Variants in ERBB4 observed in about 807,000 individuals in gnomAD.
ERBB4 encodes the protein receptor tyrosine-protein kinase erbB-4.
In ERBB4, 42 loss-of-function variants were observed where a neutral mutation model predicts 158.0. The ratio of observed to expected loss-of-function variants is 0.27; its 90% CI spans 0.21 to 0.34. The LOEUF (loss-of-function observed/expected upper bound fraction) is 0.34. Among genes scored for constraint, ERBB4 ranks in the 10% least tolerant of loss-of-function variants. The probability of loss-of-function intolerance (pLI) is 1.00; values close to 1 mark genes in which losing one functional copy is unlikely to be tolerated. For missense variants in ERBB4, 1,333 were observed against 1,624.1 expected (o/e 0.82, Z 3.08); for synonymous variants, 583 against 558.7 (o/e 1.04, Z -0.61).
intron 1 of ERBB4, among the ~76,000 whole-genome samples, chr2:212,154,374 A>G (rs1456734106): frequency 6.6e-6 from 1 of 152,158 alleles, no homozygotes; most frequent in Non-Finnish European, 1.5e-5. Flanking sequence ...TGGGGATTTT[A>G]TCTACAAATG....
chr2:212,191,023 G>A (rs1259035980), intron 1 of ERBB4, among the ~76,000 whole-genome samples: 1 of 150,826 alleles, frequency 6.6e-6, no homozygotes, highest in East Asian at 1.9e-4. Flanking sequence ...GATCAACACA[G>A]CCCTAAGGGC....
chr2:212,476,335 C>G (rs1689401258), intron 1 of ERBB4, among the ~76,000 whole-genome samples: 1 of 152,030 alleles, frequency 6.6e-6, no homozygotes, highest in African/African-American at 2.4e-5. Flanking sequence ...ACTAGTATAC[C>G]TAGCAGATAG....
At chr2:211,510,733 T>C (rs1170927826) in intron 20 of ERBB4, among the ~76,000 whole-genome samples, 2 of 152,074 alleles carry the variant, frequency 1.3e-5, no homozygotes, top group Non-Finnish European at 1.5e-5. Context: ...AGTATTATGA[T>C]ATTGCTTCAA....
Position 212,194,487 on chromosome 2 carries a change from T to C in ERBB4, c.83-69584A>G, listed in dbSNP as rs369574869. Among the ~76,000 whole-genome samples the C allele has an allele frequency of 7.9e-5, 12 of 152,200 alleles. 1 individual carries two copies. The East Asian group carries it at 2.1e-3, about 27-fold the overall frequency. ...GCAATACTATGTTACCTGTTACTAT[T>C]TCCCTTAGCTAACAATATACCACTT... On this transcript the variant is annotated intron_variant, in intron 1 of 27. Transcript: ENST00000342788.
At chr2:211,879,373 C>T (rs575516781) in intron 3 of ERBB4, among the ~76,000 whole-genome samples, 2 of 152,142 alleles carry the variant, frequency 1.3e-5, no homozygotes, top group Non-Finnish European at 2.9e-5. Context: ...ATAGGGAGTT[C>T]CCATTGAAAG....
At chr2:211,415,221 A>T (rs926160664) in intron 25 of ERBB4, among the ~76,000 whole-genome samples, 1 of 137,586 alleles carries the variant, frequency 7.3e-6, no homozygotes, top group Non-Finnish European at 1.5e-5. Context: ...GGTTCACGCC[A>T]TTCTCCTGCC....
intron 7 of ERBB4, among the ~76,000 whole-genome samples, chr2:211,714,340 G>T (rs1038369465): frequency 6.6e-5 from 10 of 152,144 alleles, no homozygotes; most frequent in Non-Finnish European, 4.4e-5. Flanking sequence ...CACAATACCT[G>T]CTAGGCCACT....
chr2:211,847,339 G>A (rs2077614585), intron 3 of ERBB4, among the ~76,000 whole-genome samples: 1 of 152,104 alleles, frequency 6.6e-6, no homozygotes, highest in Non-Finnish European at 1.5e-5. Context: ...TAACCAACAA[G>A]TAGTTACTAC....
intron 3 of ERBB4, among the ~76,000 whole-genome samples, chr2:211,854,191 T>C (rs35784340): frequency 0.22 from 32,934 of 151,904 alleles, 3,691 homozygotes; most frequent in South Asian, 0.33. Context: ...AGATGATTAT[T>C]AGGATAGTTT....
At chr2:212,037,610 C>T (rs1229504502) in intron 2 of ERBB4, among the ~76,000 whole-genome samples, 2 of 152,134 alleles carry the variant, frequency 1.3e-5, no homozygotes, top group Admixed American at 6.6e-5. Context: ...CAGAGAAATG[C>T]CACAGGCTGA....
At chr2:211,875,722 T>C (rs1286433381) in intron 3 of ERBB4, among the ~76,000 whole-genome samples, 1 of 152,190 alleles carries the variant, frequency 6.6e-6, no homozygotes, top group Non-Finnish European at 1.5e-5. Flanking sequence ...CTCATTTTCT[T>C]ATCCAGAACA....
At chr2:211,758,242 T>C (rs947652561) in intron 4 of ERBB4, among the ~76,000 whole-genome samples, 1 of 152,216 alleles carries the variant, frequency 6.6e-6, no homozygotes, top group African/African-American at 2.4e-5. Context: ...ATGATATTAC[T>C]GTTCTGTATA....
intron 9 of ERBB4, among the ~76,000 whole-genome samples, chr2:211,708,441 G>A (rs1247141626): frequency 6.6e-6 from 1 of 152,048 alleles, no homozygotes; most frequent in African/African-American, 2.4e-5. Context: ...GCCTTTATTT[G>A]GTTTCCAAAA....
At position 211,942,051 on chromosome 2, in the gene ERBB4, A is replaced by AT. The variant is rs576381862; in HGVS notation, c.421+5378dup. Among the ~76,000 whole-genome samples the AT allele has an allele frequency of 1.5e-4, 23 of 152,028 alleles. 2 individuals carry two copies. The South Asian group carries it at 4.4e-3, about 29-fold the overall frequency. On this transcript the variant is annotated intron_variant, in intron 3 of 27. Transcript: ENST00000342788. ...TGGTAGGCCAGGTCTTTGCACAGAG[A>AT]TTTTTTCTGATTTCACAATTTCATA...
In ERBB4 at chr2:211,379,528, A is replaced by G. The variant is rs1293085152; in HGVS notation, c.*4087T>C. On this transcript the variant is annotated 3_prime_UTR_variant, in exon 28 of 28. Coordinates refer to ENST00000342788, the MANE Select transcript of ERBB4 (RefSeq NM_005235.3). ...TTTTAAATGGCAAACTTATCTTTTTACTATGCAAAATCCATCCTACATTTT... is the reference window on the plus strand; with the variant it reads ...TTTTAAATGGCAAACTTATCTTTTTGCTATGCAAAATCCATCCTACATTTT... 1 of 230,990 alleles carries G rather than the reference A, an allele frequency of 4.3e-6. No individual in the cohort carries two copies. Among genetic ancestry groups the G allele is most frequent in the Middle Eastern group, 1.3e-3 (1 of 792 alleles). 14.3% of individuals were successfully genotyped at this position (230,990 alleles called of 1,614,324 possible).
At position 211,882,342 on chromosome 2, in the gene ERBB4, G is replaced by A. The variant is rs534459172; in HGVS notation, c.421+65088C>T. ...GTATCATTGTTTATAAATGTGTCTT[G>A]GATTTGATGGAGCTTATGCTGAGAA... On this transcript the variant is annotated intron_variant, in intron 3 of 27. Transcript: ENST00000342788. 3.9e-5 allele frequency among the ~76,000 whole-genome samples: 6 copies of A among 152,156 alleles called. No homozygotes were observed. The East Asian group carries it at 1.2e-3, about 29-fold the overall frequency.
At chr2:211,395,412 AATCTGTTAT>A (rs1268064206) in intron 25 of ERBB4, among the ~76,000 whole-genome samples, 4 of 152,096 alleles carry the variant, frequency 2.6e-5, no homozygotes, top group African/African-American at 9.6e-5. Flanking sequence ...TCCAATGTAC[AATCTGTTAT>A]ACCTTAGAAC....
chr2:211,795,822 A>C (rs2076371868), intron 3 of ERBB4, among the ~76,000 whole-genome samples: 1 of 151,888 alleles, frequency 6.6e-6, no homozygotes, highest in Non-Finnish European at 1.5e-5. Flanking sequence ...AAGGAAGGGA[A>C]TTAAAGTATT....
At chr2:211,487,228 T>G (rs1015740753) in intron 20 of ERBB4, among the ~76,000 whole-genome samples, 2 of 147,306 alleles carry the variant, frequency 1.4e-5, no homozygotes, top group South Asian at 2.2e-4. Flanking sequence ...TTCCCACCTA[T>G]GAGTGAGAAC....
Sources: gnomAD v4.1 joint callset for allele counts (sites outside exome capture counted in the v4.1 genomes callset) on GRCh38, gnomAD v4.1.1 for gene constraint, MANE v1.5 for transcripts, NCBI Gene and HGNC (gene_info 2026-07-23, HGNC 2026-07-21) for gene names.